Variants in DLGAP2 observed in about 807,000 individuals in gnomAD.
DLGAP2 encodes the protein DLG associated protein 2.
In DLGAP2, 26 loss-of-function variants were observed where a neutral mutation model predicts 100.3. The ratio of observed to expected loss-of-function variants is 0.26; its 90% confidence interval spans 0.19 to 0.36. DLGAP2 has a LOEUF of 0.36. Among genes scored for constraint, DLGAP2 ranks in the 10% least tolerant of loss-of-function variants. The pLI is 1.00. For synonymous variants in DLGAP2, 886 were observed against 630.1 expected, an observed-to-expected ratio of 1.41 and a Z score of -6.08; for missense variants, 1,858 against 1,453.2, an observed-to-expected ratio of 1.28 and a Z score of -4.53.
At chr8:778,347 G>A (rs530299737) in intron 1 of DLGAP2, among the ~76,000 whole-genome samples, 7 of 152,330 alleles carry the variant, frequency 4.6e-5, no homozygotes, top group East Asian at 1.9e-4. Flanking sequence ...CTCTCAGCTC[G>A]TCAAAGTCAT....
chr8:1,176,139 G>T (rs1234155959), intron 2 of DLGAP2, among the ~76,000 whole-genome samples: 1 of 152,190 alleles, frequency 6.6e-6, no homozygotes, highest in Non-Finnish European at 1.5e-5. Flanking sequence ...AGAGGCCTCA[G>T]GAAACTTACA....
At chr8:1,376,726 C>A (rs374229761) in intron 3 of DLGAP2, among the ~76,000 whole-genome samples, 16 of 148,000 alleles carry the variant, frequency 1.1e-4, no homozygotes, top group African/African-American at 4.0e-4. Context: ...AACCTGAGCC[C>A]GGTGGGATGT....
At chr8:1,604,463 A>G (rs994651276) in intron 6 of DLGAP2, 1 of 151,928 alleles carries the variant, frequency 6.6e-6, no homozygotes, top group African/African-American at 2.4e-5. Flanking sequence ...TGTTTATTTA[A>G]AATTTGGATT....
rs1385855740 is a variant in DLGAP2 at position 1,464,319 on chromosome 8, GCCCTTCCAGGACGGCA to G, written c.107-37018_107-37003del. Among the ~76,000 whole-genome samples, 10 of 45,884 alleles carry G rather than the reference GCCCTTCCAGGACGGCA, an allele frequency of 2.2e-4. 1 individual carries two copies. The highest frequency in any genetic ancestry group is 3.2e-4 in the Non-Finnish European group (8 of 25,332). 30.1% of individuals were successfully genotyped at this position (45,884 alleles called of 152,430 possible). ...CAGGATGGCACCCTTCCAGGACAAC[GCCCTTCCAGGACGGCA>G]CCCTTCCAGGACGGCACCCTTCCAG... On this transcript the variant is annotated intron_variant, in intron 3 of 14. Coordinates refer to ENST00000637795, the MANE Select transcript of DLGAP2 (RefSeq NM_001346810.2).
At chr8:1,219,300 C>T (rs1212378039) in intron 2 of DLGAP2, among the ~76,000 whole-genome samples, 6 of 152,038 alleles carry the variant, frequency 3.9e-5, no homozygotes. Flanking sequence ...CCTCTGATGA[C>T]TAGTTTGTGA....
At chr8:1,005,744 G>A (rs1407213706) in intron 2 of DLGAP2, among the ~76,000 whole-genome samples, 1 of 152,106 alleles carries the variant, frequency 6.6e-6, no homozygotes, top group Non-Finnish European at 1.5e-5. Context: ...TTTAAGCCAT[G>A]CCTTGTGCCC....
At chr8:1,640,522 A>C (rs971180451) in intron 8 of DLGAP2, among the ~76,000 whole-genome samples, 1 of 152,190 alleles carries the variant, frequency 6.6e-6, no homozygotes, top group Non-Finnish European at 1.5e-5. Context: ...TCTGATTGTC[A>C]TGATCCCCAT....
chr8:1,180,573 T>G (rs1213068440), intron 2 of DLGAP2, among the ~76,000 whole-genome samples: 2 of 150,150 alleles, frequency 1.3e-5, no homozygotes, highest in African/African-American at 4.8e-5. Flanking sequence ...ACACATCGTG[T>G]GCAATGGCAG....
chr8:879,171 G>T (rs1181552807), intron 1 of DLGAP2, among the ~76,000 whole-genome samples: 3 of 152,218 alleles, frequency 2.0e-5, no homozygotes, highest in Non-Finnish European at 4.4e-5. Flanking sequence ...GTGTCAGTTT[G>T]GGTTGGACCA....
At position 1,028,260 on chromosome 8, in the gene DLGAP2, C is replaced by T. The variant is rs548602504; in HGVS notation, c.73+120294C>T. Among the ~76,000 whole-genome samples, 939 of 138,370 alleles carry T rather than the reference C, an allele frequency of 6.8e-3. 1 individual carries two copies. The highest frequency in any genetic ancestry group is 0.026 in the African/African-American group (894 of 34,952). 90.8% of individuals were successfully genotyped at this position (138,370 alleles called of 152,430 possible). ...TTCTCCAGGTGGGGTGTCAGGCGCC[C>T]GTTATTCTCCAGGTGGGGTGTCAGG... On this transcript the variant is annotated intron_variant, in intron 2 of 14. Coordinates refer to ENST00000637795, the MANE Select transcript of DLGAP2 (RefSeq NM_001346810.2).
chr8:1,261,619 C>T (rs1799352574), intron 3 of DLGAP2, among the ~76,000 whole-genome samples: 1 of 152,200 alleles, frequency 6.6e-6, no homozygotes, highest in Admixed American at 6.5e-5. Flanking sequence ...CCCCTCCTCA[C>T]TGGGCTGCGG....
chr8:1,317,351 A>G (rs1476977075), intron 3 of DLGAP2, among the ~76,000 whole-genome samples: 1 of 131,360 alleles, frequency 7.6e-6, no homozygotes, highest in Admixed American at 8.1e-5. Context: ...ACAGTGGTCT[A>G]CACTCGAGAA....
At chr8:900,391 G>A (rs1798229282) in intron 1 of DLGAP2, among the ~76,000 whole-genome samples, 1 of 152,110 alleles carries the variant, frequency 6.6e-6, no homozygotes, top group Admixed American at 6.5e-5. Context: ...GATGGTGGGC[G>A]CCCTCCTCTT....
At chr8:1,293,249 C>A (rs572971592) in intron 3 of DLGAP2, among the ~76,000 whole-genome samples, 2 of 152,354 alleles carry the variant, frequency 1.3e-5, no homozygotes, top group South Asian at 2.1e-4. Flanking sequence ...CATGCCCTCT[C>A]CCTCTCCTGG....
chr8:750,329 A>G lies in DLGAP2; in HGVS notation c.18+12504A>G, dbSNP rs74793112. On this transcript the variant is annotated intron_variant, in intron 1 of 14. Coordinates refer to ENST00000637795, the MANE Select transcript of DLGAP2 (RefSeq NM_001346810.2). ...GGGCTCAGGGAGGACGTCACAGGAA[A>G]AGTAACAAAAGAAACCAAAATAAAA... 6.0e-3 allele frequency among the ~76,000 whole-genome samples: 913 copies of G among 152,368 alleles called. 10 individuals carry two copies. The highest frequency in any genetic ancestry group is 0.02 in the African/African-American group (832 of 41,588).
At chr8:1,446,608 G>GT (rs1362866975) in intron 3 of DLGAP2, among the ~76,000 whole-genome samples, 6 of 152,106 alleles carry the variant, frequency 3.9e-5, no homozygotes, top group Non-Finnish European at 7.4e-5. Context: ...CTTTAAAGTA[G>GT]TTTTTTCCAA....
At chr8:1,685,271 C>T (rs1023030344) in intron 12 of DLGAP2, among the ~76,000 whole-genome samples, 5 of 152,216 alleles carry the variant, frequency 3.3e-5, no homozygotes, top group Non-Finnish European at 7.3e-5. Flanking sequence ...GACATGGCCA[C>T]AGAGAACTGT....
chr8:1,225,424 A>G (rs1798394181), intron 2 of DLGAP2, among the ~76,000 whole-genome samples: 1 of 152,230 alleles, frequency 6.6e-6, no homozygotes. Flanking sequence ...GCGGCAGAAC[A>G]GAGAGGAGAA....
Position 774,312 on chromosome 8 carries a change from G to T in DLGAP2, c.18+36487G>T, listed in dbSNP as rs1008791676. ...ATTTTGTGAGTTGCCTGTTCACTCTGATGGTAGTTTCTTTTGCTGTGCAGA... is the reference window on the plus strand; with the variant it reads ...ATTTTGTGAGTTGCCTGTTCACTCTTATGGTAGTTTCTTTTGCTGTGCAGA... On this transcript the variant is annotated intron_variant, in intron 1 of 14. Coordinates refer to ENST00000637795, the MANE Select transcript of DLGAP2 (RefSeq NM_001346810.2). Among the ~76,000 whole-genome samples, 168 of 152,282 alleles carry T rather than the reference G, an allele frequency of 1.1e-3. 1 individual carries two copies. The highest frequency in any genetic ancestry group is 3.9e-3 in the African/African-American group (163 of 41,564).
Sources: gnomAD v4.1 joint callset for allele counts (sites outside exome capture counted in the v4.1 genomes callset) on GRCh38, gnomAD v4.1.1 for gene constraint, MANE v1.5 for transcripts, NCBI Gene and HGNC (gene_info 2026-07-23, HGNC 2026-07-21) for gene names.